The following MAK variants were observed in gnomAD, a reference collection of about 807,000 sequenced individuals.
MAK encodes the protein male germ cell associated kinase, also known as serine/threonine-protein kinase MAK.
MAK carries 65 observed loss-of-function variants against 82.6 expected under a neutral mutation model. The observed-to-expected ratio is 0.79, with a 90% confidence interval of 0.64 to 0.97. The LOEUF is 0.97. Among genes scored for constraint, MAK ranks in the 50% least tolerant of loss-of-function variants. The pLI is 0.00. For missense variants in MAK, 703 were observed against 780.2 expected (o/e 0.90, Z 1.18); for synonymous variants, 250 against 274.2 (o/e 0.91, Z 0.87).
At chr6:10,765,728 C>T (rs973881387) in intron 14 of MAK, among the ~76,000 whole-genome samples, 2 of 151,042 alleles carry the variant, frequency 1.3e-5, no homozygotes, top group Non-Finnish European at 3.0e-5. Context: ...GCCAATGATC[C>T]ACCCACCTCA....
At position 10,787,858 on chromosome 6, in the gene MAK, CAAA is replaced by C. The variant is rs56983445; in HGVS notation, c.1317-3289_1317-3287del. On this transcript the variant is annotated intron_variant, in intron 10 of 14. Coordinates refer to ENST00000354489, the MANE Select transcript of MAK (RefSeq NM_001242957.3). ...CCTGGGTGACAGAGCGAGACTGTCTCAAAAAAAAAAAAAAAAAGTAGAAGAAAT... is the reference window on the plus strand; with the variant it reads ...CCTGGGTGACAGAGCGAGACTGTCTCAAAAAAAAAAAAAAGTAGAAGAAAT... 4.1e-3 allele frequency among the ~76,000 whole-genome samples: 527 copies of C among 129,828 alleles called. 5 individuals are homozygous for C. The highest frequency in any genetic ancestry group is 4.1e-3 in the Non-Finnish European group (250 of 60,448). 85.2% of individuals were successfully genotyped at this position (129,828 alleles called of 152,430 possible). A position where few individuals can be genotyped will look rare whatever the true frequency, so the allele number is the denominator to read the frequency against.
At chr6:10,820,381 C>A (rs1232257281) in intron 2 of MAK, among the ~76,000 whole-genome samples, 1 of 152,138 alleles carries the variant, frequency 6.6e-6, no homozygotes, top group African/African-American at 2.4e-5. Flanking sequence ...CACAACATCA[C>A]AGCCAAGAAC....
At chr6:10,828,597 C>A (rs1447148709) in intron 2 of MAK, among the ~76,000 whole-genome samples, 1 of 151,982 alleles carries the variant, frequency 6.6e-6, no homozygotes, top group Non-Finnish European at 1.5e-5. Context: ...ATAAGAGGAG[C>A]CTGGGCAACA....
At chr6:10,771,039 G>A (rs968224042) in intron 13 of MAK, among the ~76,000 whole-genome samples, 3 of 152,112 alleles carry the variant, frequency 2.0e-5, no homozygotes, top group African/African-American at 7.2e-5. Context: ...AGCAACATAG[G>A]AGGAGAATCA....
In MAK at chr6:10,796,258, T is replaced by C; in HGVS notation, c.883A>G (p.Asn295Asp). Residue 295 changes from asparagine (N) to aspartate (D), a missense_variant, in exon 9 of 15, where the codon AAT becomes GAT. Transcript: ENST00000354489. ...AAAGACTGTTTTGATTCCAGATGATTTGACGAAGGGCCTAATACCTGACCA... is the reference window on the plus strand; with the variant it reads ...AAAGACTGTTTTGATTCCAGATGATCTGACGAAGGGCCTAATACCTGACCA... ...QVGQVLGPSS[N>D]HLESKQSLNK... is the part of the protein sequence containing the mutation. 1 of 1,614,118 alleles carries C rather than the reference T, an allele frequency of 6.2e-7. No homozygotes were observed. Among genetic ancestry groups the C allele is most frequent in the African/African-American group, 1.3e-5 (1 of 75,026 alleles).
chr6:10,835,170 T>G (rs1779074393), intron 1 of MAK, among the ~76,000 whole-genome samples: 1 of 152,228 alleles, frequency 6.6e-6, no homozygotes, highest in East Asian at 1.9e-4. Flanking sequence ...TAACCTAAGC[T>G]CTTAAGAGAA....
chr6:10,837,239 G>GA (rs917815327), intron 1 of MAK, among the ~76,000 whole-genome samples: 1 of 151,988 alleles, frequency 6.6e-6, no homozygotes, highest in African/African-American at 2.4e-5. Context: ...AGCAACGCAG[G>GA]AAAAAAAGAT....
intron 4 of MAK, among the ~76,000 whole-genome samples, chr6:10,815,928 AT>A (rs2127574584): frequency 7.9e-6 from 1 of 126,862 alleles, no homozygotes; most frequent in African/African-American, 3.7e-5. Context: ...ATATATATAT[AT>A]ATATATATAT....
chr6:10,826,118 C>G (rs1018661240), intron 2 of MAK, among the ~76,000 whole-genome samples: 1 of 152,166 alleles, frequency 6.6e-6, no homozygotes, highest in Admixed American at 6.5e-5. Flanking sequence ...CTGCCCCACT[C>G]GTAATCCACG....
At position 10,791,675 on chromosome 6, in the gene MAK, C is replaced by G; in HGVS notation, c.1316G>C (p.Arg439Pro). The stretch of plus-strand genomic sequence containing the variant: ...TTTTCTGAGGAATTTGAAATCTTAC[C>G]GAAATGGAGAATCTTTTTTCCTTTT... ...KEKRKKDSPF[R>P]LPEPVPSGSN... is the part of the protein sequence containing the mutation. The change falls in exon 10 of 15, where the codon CGG becomes CCG. Residue 439 changes from arginine (R) to proline (P), a missense_variant and splice_region_variant. Transcript: ENST00000354489. The G allele has an allele frequency of 1.2e-6, 2 of 1,611,982 alleles. No homozygotes were observed. Among genetic ancestry groups the G allele is most frequent in the South Asian group, 2.2e-5 (2 of 90,964 alleles).
chr6:10,771,260 T>C (rs560041540), intron 13 of MAK, among the ~76,000 whole-genome samples: 6 of 151,876 alleles, frequency 4.0e-5, no homozygotes, highest in African/African-American at 1.2e-4. Context: ...GAAAAGGACC[T>C]CATGGAGGAA....
At position 10,791,770 on chromosome 6, in the gene MAK, C is replaced by G; in HGVS notation, c.1221G>C (p.Trp407Cys). The G allele has an allele frequency of 6.2e-7, 1 of 1,614,104 alleles. No homozygotes were observed. Among genetic ancestry groups the G allele is most frequent in the Non-Finnish European group, 8.5e-7 (1 of 1,179,992 alleles). The change falls in exon 10 of 15, where the codon TGG becomes TGC. Residue 407 changes from tryptophan to cysteine, a missense_variant. Coordinates refer to ENST00000354489, the MANE Select transcript of MAK (RefSeq NM_001242957.3). ...GQTIFKSGDS[W>C]EELEDYDFGA... ...CGAAATCATAGTCCTCCAACTCTTC[C>G]CAGCTATCTCCAGACTTGAAGATAG...
At chr6:10,795,914 C>T (rs1775508279) in intron 9 of MAK, 84 bp downstream of exon 9, 5 of 1,441,800 alleles carry the variant, frequency 3.5e-6, no homozygotes, top group Non-Finnish European at 4.9e-6. Flanking sequence ...ATATCTTTTC[C>T]AACATTATTA....
At chr6:10,780,235 C>T (rs1009619050) in intron 11 of MAK, 1 of 981,164 alleles carries the variant, frequency 1.0e-6, no homozygotes, top group African/African-American at 1.8e-5. Context: ...TCCTTCTGAT[C>T]CCAAGTAATT....
At chr6:10,773,913 C>T (rs762070627) in intron 12 of MAK, among the ~76,000 whole-genome samples, 13 of 151,738 alleles carry the variant, frequency 8.6e-5, no homozygotes, top group Non-Finnish European at 1.3e-4. Flanking sequence ...GTTGGTCAGG[C>T]GGGTCTCGAA....
chr6:10,792,638 C>G (rs537354804), intron 9 of MAK, among the ~76,000 whole-genome samples: 1 of 152,152 alleles, frequency 6.6e-6, no homozygotes, highest in African/African-American at 2.4e-5. Context: ...GGTTTGGGGG[C>G]ACATAAACAG....
chr6:10,797,362 C>G (rs1378917264), intron 8 of MAK, among the ~76,000 whole-genome samples: 2 of 152,078 alleles, frequency 1.3e-5, no homozygotes, highest in Non-Finnish European at 2.9e-5. Context: ...CAAGTTTGCC[C>G]CTTGGGAGAT....
intron 2 of MAK, among the ~76,000 whole-genome samples, chr6:10,821,319 A>G (rs1039109859): frequency 6.6e-6 from 1 of 152,074 alleles, no homozygotes; most frequent in Non-Finnish European, 1.5e-5. Context: ...TCTGTCACCC[A>G]GGCTGGACTG....
rs544467160 is a variant in MAK, at chr6:10,820,732, G to T, written c.102-1792C>A. On this transcript the variant is annotated intron_variant, in intron 2 of 14. Coordinates refer to ENST00000354489, the MANE Select transcript of MAK (RefSeq NM_001242957.3). ...TCAGGTACTAGATATTTATGAAGAA[G>T]CGTGATGAAATGGGGGTTTACTAGC... Among the ~76,000 whole-genome samples the T allele has an allele frequency of 2.6e-5, 4 of 152,260 alleles. No individual in the cohort carries two copies. In the East Asian group the frequency reaches 7.7e-4, roughly 29 times the overall value.
Sources: gnomAD v4.1 joint callset for allele counts (sites outside exome capture counted in the v4.1 genomes callset) on GRCh38, gnomAD v4.1.1 for gene constraint, MANE v1.5 for transcripts, NCBI Gene and HGNC (gene_info 2026-07-23, HGNC 2026-07-21) for gene names.